Variants in LTBP1 observed in about 807,000 individuals in gnomAD.
LTBP1 encodes latent transforming growth factor beta binding protein 1.
LTBP1 carries 129 observed loss-of-function variants against 207.6 expected under a neutral mutation model. The ratio of observed to expected loss-of-function variants is 0.62; its 90% CI spans 0.54 to 0.72. The LOEUF is 0.72. LTBP1 is among the 30% of genes least tolerant of loss of function. The pLI is 0.00. For missense variants in LTBP1, 2,281 were observed against 2,217.2 expected (o/e 1.03, Z -0.58); for synonymous variants, 963 against 833.7 (o/e 1.16, Z -2.67).
At chr2:33,105,441 C>CTTTT (rs199792865) in intron 3 of LTBP1, among the ~76,000 whole-genome samples, 1 of 144,720 alleles carries the variant, frequency 6.9e-6, no homozygotes, top group Admixed American at 6.9e-5. Flanking sequence ...TGATCTTCTG[C>CTTTT]TTTTTTTTTT....
intron 2 of LTBP1, among the ~76,000 whole-genome samples, chr2:33,015,017 G>C (rs981901037): frequency 9.9e-5 from 15 of 151,330 alleles, no homozygotes; most frequent in Admixed American, 4.0e-4. Flanking sequence ...TTAAGAGATG[G>C]GGTCTTGCTA....
intron 31 of LTBP1, among the ~76,000 whole-genome samples, chr2:33,384,541 G>A (rs554241571): frequency 1.3e-5 from 2 of 152,284 alleles, no homozygotes; most frequent in Admixed American, 1.3e-4. Context: ...GCCCTGCTAA[G>A]CAAAAACTTT....
intron 2 of LTBP1, among the ~76,000 whole-genome samples, chr2:32,981,599 A>G (rs1443802762): frequency 6.6e-6 from 1 of 152,202 alleles, no homozygotes; most frequent in East Asian, 1.9e-4. Flanking sequence ...TAGAACAATA[A>G]AACTACAAAC....
chr2:32,989,048 G>C (rs62135706), intron 2 of LTBP1, among the ~76,000 whole-genome samples: 10,099 of 152,150 alleles, frequency 0.066, 360 homozygotes, highest in Middle Eastern at 0.095. Context: ...GTTCATTCCA[G>C]AAAGGTGGTG....
At chr2:33,354,754 T>G (rs1415558769) in intron 26 of LTBP1, among the ~76,000 whole-genome samples, 1 of 151,696 alleles carries the variant, frequency 6.6e-6, no homozygotes, top group Non-Finnish European at 1.5e-5. Context: ...TTATTTTTAT[T>G]TTTTTGAGAC....
At chr2:33,195,317 G>GAAA (rs2088422361) in intron 7 of LTBP1, among the ~76,000 whole-genome samples, 1 of 152,156 alleles carries the variant, frequency 6.6e-6, no homozygotes, top group Non-Finnish European at 1.5e-5. Context: ...TTTCTGGAAA[G>GAAA]AGTTTGCCAT....
intron 3 of LTBP1, among the ~76,000 whole-genome samples, chr2:33,074,896 A>G (rs1316703260): frequency 7.6e-6 from 1 of 131,522 alleles, no homozygotes; most frequent in Non-Finnish European, 1.6e-5. Flanking sequence ...AAAAAAAAAA[A>G]GCACGTTAGA....
Position 33,315,062 on chromosome 2 carries a change from G to A in LTBP1, c.3605-82G>A. The A allele has an allele frequency of 2.6e-6, 3 of 1,133,996 alleles. No homozygotes were observed. In the East Asian group the frequency reaches 7.4e-5, roughly 28 times the overall value. 70.2% of individuals were successfully genotyped at this position (1,133,996 alleles called of 1,614,324 possible). ...ATAAATGTCCAGCCATGTCATAATA[G>A]ATTTATTTGCCATCTGTTTGATAGT... On this transcript the variant is annotated intron_variant, in intron 23 of 33. Transcript: ENST00000404816.
At chr2:32,993,969 AGTGTGTGTGTGTGTGTGT>A (rs70938383) in intron 2 of LTBP1, among the ~76,000 whole-genome samples, 1 of 138,384 alleles carries the variant, frequency 7.2e-6, no homozygotes, top group African/African-American at 2.7e-5. Flanking sequence ...CAGTTAGGGG[AGTGTGTGTGTGTGTGTGT>A]GTGTGTGTGT....
intron 30 of LTBP1, 60 bp from the exon 31 acceptor site, chr2:33,365,273 A>G: frequency 2.7e-6 from 4 of 1,467,392 alleles, no homozygotes; most frequent in Non-Finnish European, 3.8e-6. Flanking sequence ...GGCTTCCAAC[A>G]CAGTGTTTAT....
intron 10 of LTBP1, among the ~76,000 whole-genome samples, chr2:33,251,685 AAAG>A (rs1351106950): frequency 7.3e-5 from 11 of 151,314 alleles, no homozygotes; most frequent in African/African-American, 2.7e-4. Flanking sequence ...AAAAAAAAAA[AAAG>A]ATGCTAGAGG....
At chr2:33,062,679 G>A (rs1558582895) in intron 3 of LTBP1, among the ~76,000 whole-genome samples, 1 of 152,156 alleles carries the variant, frequency 6.6e-6, no homozygotes. Context: ...TGCTAGTACA[G>A]TAATCGCCTC....
chr2:33,330,814 CAA>C (rs756837289), intron 24 of LTBP1, among the ~76,000 whole-genome samples: 11 of 96,678 alleles, frequency 1.1e-4, no homozygotes, highest in Non-Finnish European at 1.8e-4. Flanking sequence ...ATCATGGTCT[CAA>C]AAAAAAAAAA....
intron 5 of LTBP1, among the ~76,000 whole-genome samples, chr2:33,158,000 G>A (rs2084119765): frequency 6.6e-6 from 1 of 152,128 alleles, no homozygotes; most frequent in African/African-American, 2.4e-5. Flanking sequence ...GCCAGCCGTG[G>A]TGGCATGTGC....
At chr2:33,346,325 G>C (rs949488680) in intron 25 of LTBP1, among the ~76,000 whole-genome samples, 2 of 152,164 alleles carry the variant, frequency 1.3e-5, no homozygotes, top group African/African-American at 4.8e-5. Flanking sequence ...TATTTTAAAA[G>C]TTTTTAAGTG....
At chr2:33,385,064 A>G (rs1381974271) in intron 31 of LTBP1, among the ~76,000 whole-genome samples, 2 of 152,182 alleles carry the variant, frequency 1.3e-5, no homozygotes, top group African/African-American at 4.8e-5. Context: ...AAATTCTTGG[A>G]CATCAGTTTT....
chr2:33,083,760 G>A (rs78875773), intron 3 of LTBP1, among the ~76,000 whole-genome samples: 136 of 152,276 alleles, frequency 8.9e-4, no homozygotes, highest in Non-Finnish European at 1.7e-3. Flanking sequence ...ATTGCAGAAT[G>A]TTACCATTTG....
At chr2:33,051,321 G>T (rs1163355156) in intron 3 of LTBP1, among the ~76,000 whole-genome samples, 1 of 152,138 alleles carries the variant, frequency 6.6e-6, no homozygotes, top group Admixed American at 6.5e-5. Flanking sequence ...GGAGACTGAA[G>T]TGGGGGGATT....
chr2:33,041,011 C>G (rs925493310), intron 3 of LTBP1, among the ~76,000 whole-genome samples: 3 of 152,190 alleles, frequency 2.0e-5, no homozygotes, highest in Admixed American at 6.5e-5. Context: ...CCGTTAATAC[C>G]TTCCTTTTAT....
Sources: gnomAD v4.1 joint callset for allele counts (sites outside exome capture counted in the v4.1 genomes callset) on GRCh38, gnomAD v4.1.1 for gene constraint, MANE v1.5 for transcripts, NCBI Gene and HGNC (gene_info 2026-07-23, HGNC 2026-07-21) for gene names.